The following LRP1B variants were observed in gnomAD, a reference collection of about 807,000 sequenced individuals.
LRP1B encodes the protein low-density lipoprotein receptor-related protein 1B.
In LRP1B, 217 loss-of-function variants were observed where a neutral mutation model predicts 556.6. The ratio of observed to expected loss-of-function variants is 0.39; its 90% CI spans 0.35 to 0.44. The LOEUF (loss-of-function observed/expected upper bound fraction) is 0.44. Among genes scored for constraint, LRP1B ranks in the 20% least tolerant of loss-of-function variants. LRP1B has a pLI of 1.00. For synonymous variants in LRP1B, 2,047 were observed against 1,865.8 expected, an observed-to-expected ratio of 1.10 and a Z score of -2.50; for missense variants, 5,053 against 5,620.8, an observed-to-expected ratio of 0.90 and a Z score of 3.23.
intron 41 of LRP1B, among the ~76,000 whole-genome samples, chr2:140,632,755 A>C (rs534103304): frequency 6.6e-6 from 1 of 152,252 alleles, no homozygotes; most frequent in African/African-American, 2.4e-5. Context: ...ACCCAATTAT[A>C]TGTTGTCTAC....
At chr2:141,621,006 A>G (rs910791140) in intron 2 of LRP1B, among the ~76,000 whole-genome samples, 2 of 152,140 alleles carry the variant, frequency 1.3e-5, no homozygotes, top group African/African-American at 4.8e-5. Context: ...TATTCCCAGG[A>G]GAACAAAAAC....
intron 41 of LRP1B, chr2:140,683,582 A>G: frequency 1.5e-6 from 1 of 687,600 alleles, no homozygotes; most frequent in Non-Finnish European, 2.8e-6. Flanking sequence ...CATTAAAAAG[A>G]TTGCCAGGCT....
intron 3 of LRP1B, among the ~76,000 whole-genome samples, chr2:141,475,843 T>A (rs868226444): frequency 1.3e-5 from 2 of 152,040 alleles, no homozygotes; most frequent in Non-Finnish European, 2.9e-5. Flanking sequence ...TTTTCCAGCT[T>A]CTCATCCATT....
At chr2:141,939,016 T>A (rs1257668812) in intron 1 of LRP1B, among the ~76,000 whole-genome samples, 1 of 151,922 alleles carries the variant, frequency 6.6e-6, no homozygotes, top group African/African-American at 2.4e-5. Flanking sequence ...TGGGGAGATG[T>A]TGGTCAAAAG....
chr2:142,130,799 G>A lies in LRP1B; in HGVS notation c.-70C>T, dbSNP rs753083763. ...GCACCTTCGGCCCGGCGGCGGCGGC[G>A]GCGGCAGGGGCCGCTTGGAGCCTGG... On this transcript the variant is annotated 5_prime_UTR_variant, in exon 1 of 91. Transcript: ENST00000389484. 174 of 1,263,928 alleles carry A rather than the reference G, an allele frequency of 1.4e-4. No homozygotes were observed. The highest frequency in any genetic ancestry group is 1.8e-4 in the Non-Finnish European group (162 of 880,182). The allele number at this position is 1,263,928 out of a possible 1,614,324, so 78.3% of individuals were successfully genotyped here. A position where few individuals can be genotyped will look rare whatever the true frequency, so the allele number is the denominator to read the frequency against.
chr2:140,783,203 T>C (rs573822302), intron 32 of LRP1B, among the ~76,000 whole-genome samples: 2 of 152,090 alleles, frequency 1.3e-5, no homozygotes, highest in Non-Finnish European at 2.9e-5. Context: ...TAATAACTTA[T>C]TTTTGAAATA....
chr2:140,608,355 A>G (rs1008751022), intron 41 of LRP1B, among the ~76,000 whole-genome samples: 1 of 152,214 alleles, frequency 6.6e-6, no homozygotes, highest in African/African-American at 2.4e-5. Flanking sequence ...AAACTGTGCA[A>G]CTGTTGATCA....
At chr2:141,675,679 G>GTATATA (rs1432638705) in intron 2 of LRP1B, among the ~76,000 whole-genome samples, 8 of 12,530 alleles carry the variant, frequency 6.4e-4, no homozygotes, top group African/African-American at 1.2e-3. Flanking sequence ...AATTTATTTG[G>GTATATA]TATATATATA....
chr2:140,474,242 C>T (rs918179343), intron 60 of LRP1B, among the ~76,000 whole-genome samples: 3 of 151,846 alleles, frequency 2.0e-5, no homozygotes, highest in African/African-American at 7.2e-5. Context: ...TTTTTAAACT[C>T]ATTGCTTTAT....
chr2:141,356,883 G>T (rs1231546190), intron 3 of LRP1B, among the ~76,000 whole-genome samples: 1 of 151,758 alleles, frequency 6.6e-6, no homozygotes, highest in Non-Finnish European at 1.5e-5. Flanking sequence ...TCTTATTATC[G>T]CAACCTATCA....
chr2:140,981,117 A>C (rs1271216811), intron 18 of LRP1B, among the ~76,000 whole-genome samples: 1 of 152,020 alleles, frequency 6.6e-6, no homozygotes, highest in Non-Finnish European at 1.5e-5. Flanking sequence ...AAGGGGGTAG[A>C]GGATAAAAGA....
chr2:141,810,066 AG>A (rs1413686815), intron 2 of LRP1B, among the ~76,000 whole-genome samples: 1 of 150,912 alleles, frequency 6.6e-6, no homozygotes, highest in Non-Finnish European at 1.5e-5. Flanking sequence ...CACAAACAAA[AG>A]GTTTCAAGTT....
intron 3 of LRP1B, among the ~76,000 whole-genome samples, chr2:141,426,278 A>G (rs976872889): frequency 1.3e-4 from 20 of 151,986 alleles, no homozygotes; most frequent in African/African-American, 4.6e-4. Context: ...CCATTGATCT[A>G]TATCTCTGTT....
intron 6 of LRP1B, among the ~76,000 whole-genome samples, chr2:141,194,019 A>G (rs927445729): frequency 6.6e-6 from 1 of 152,150 alleles, no homozygotes; most frequent in Non-Finnish European, 1.5e-5. Flanking sequence ...GATTTCCATC[A>G]GGTAGAAAAG....
At chr2:141,168,243 C>T (rs1019726707) in intron 7 of LRP1B, among the ~76,000 whole-genome samples, 1 of 152,042 alleles carries the variant, frequency 6.6e-6, no homozygotes, top group East Asian at 1.9e-4. Context: ...TCTGATTCAG[C>T]ATCCTATTTT....
intron 1 of LRP1B, among the ~76,000 whole-genome samples, chr2:142,045,137 A>AG (rs946415456): frequency 3.0e-4 from 8 of 26,812 alleles, no homozygotes; most frequent in Admixed American, 6.3e-4. Flanking sequence ...ATATTACCCA[A>AG]GGGGGAAAAA....
intron 32 of LRP1B, among the ~76,000 whole-genome samples, chr2:140,785,550 A>G (rs893824770): frequency 5.3e-5 from 8 of 152,322 alleles, no homozygotes; most frequent in African/African-American, 1.9e-4. Context: ...CATATTTTTT[A>G]GAATATCAAA....
chr2:140,989,567 C>T lies in LRP1B; in HGVS notation c.2735G>A (p.Gly912Glu), dbSNP rs1326597888. 1 of 1,613,288 alleles carries T rather than the reference C, an allele frequency of 6.2e-7. No individual in the cohort carries two copies. Among genetic ancestry groups the T allele is most frequent in the Non-Finnish European group, 8.5e-7 (1 of 1,179,446 alleles). The change falls in exon 17 of 91, where the codon GGG becomes GAG. Residue 912 changes from glycine to glutamate, a missense_variant. Physicochemically the swap from Gly to Glu is moderately conservative, Grantham distance 98 (BLOSUM62 -2). Transcript: ENST00000389484. ...TTGATTGGATTCATCTTCATTGCTC[C>T]CACAGTCATTAGCTCCATCACAAAG... ...RWLCDGANDC[G>E]SNEDESNQTC...
At chr2:141,570,089 G>T (rs1270751654) in intron 2 of LRP1B, among the ~76,000 whole-genome samples, 1 of 150,780 alleles carries the variant, frequency 6.6e-6, no homozygotes, top group Non-Finnish European at 1.5e-5. Flanking sequence ...AAGGGGGTGG[G>T]GCCGAGATGA....
Sources: allele counts gnomAD v4.1 joint callset (sites outside exome capture counted in the v4.1 genomes callset), GRCh38; gene constraint gnomAD v4.1.1; transcripts MANE v1.5; gene names NCBI Gene and HGNC (gene_info 2026-07-23, HGNC 2026-07-21).